The following AJAP1 variants were observed in gnomAD, a reference collection of about 807,000 sequenced individuals.
AJAP1 encodes adherens junctions associated protein 1.
Under a neutral mutation model 35.0 loss-of-function variants are expected in AJAP1, and 5 were observed. The ratio of observed to expected loss-of-function variants is 0.14; its 90% CI spans 0.07 to 0.30. AJAP1 has a LOEUF of 0.30. Ranked by LOEUF, AJAP1 falls within the 10% of genes least tolerant of loss-of-function variation. The probability of loss-of-function intolerance (pLI) is 1.00; values close to 1 mark genes in which losing one functional copy is unlikely to be tolerated. For missense variants in AJAP1, 586 were observed against 571.0 expected (o/e 1.03, Z -0.27); for synonymous variants, 284 against 249.3 (o/e 1.14, Z -1.31).
At chr1:4,709,898 C>G (rs1411016973) in intron 1 of AJAP1, among the ~76,000 whole-genome samples, 3 of 152,178 alleles carry the variant, frequency 2.0e-5, no homozygotes, top group Non-Finnish European at 4.4e-5. Context: ...AAGAGTTTCT[C>G]TCTCACCATC....
intron 2 of AJAP1, among the ~76,000 whole-genome samples, chr1:4,738,618 C>G (rs563794305): frequency 4.8e-4 from 73 of 152,270 alleles, no homozygotes; most frequent in African/African-American, 1.7e-3. Flanking sequence ...CAGGCCATGG[C>G]AGCACCGCGG....
intron 1 of AJAP1, among the ~76,000 whole-genome samples, chr1:4,683,613 G>A (rs1358570879): frequency 1.3e-5 from 2 of 152,164 alleles, no homozygotes; most frequent in Admixed American, 6.5e-5. Flanking sequence ...AAAATGTTTC[G>A]TCCTGCACTG....
chr1:4,710,498 C>A lies in AJAP1; in HGVS notation c.30-1402C>A, dbSNP rs572641419. On this transcript the variant is annotated intron_variant, in intron 1 of 5. Coordinates refer to ENST00000378191, the MANE Select transcript of AJAP1 (RefSeq NM_018836.4). The stretch of plus-strand genomic sequence containing the variant: ...ACGTGTGCTTGCCTACACGCACACA[C>A]TCACACACTTGCGTGCACGCATTAC... 6.2e-3 allele frequency among the ~76,000 whole-genome samples: 948 copies of A among 152,286 alleles called. 4 individuals carry two copies. The highest frequency in any genetic ancestry group is 0.022 in the African/African-American group (905 of 41,586).
rs1178653530 is a variant in AJAP1, at chr1:4,720,640, G to A, written c.829+7941G>A. On this transcript the variant is annotated intron_variant, in intron 2 of 5. Coordinates refer to ENST00000378191, the MANE Select transcript of AJAP1 (RefSeq NM_018836.4). The surrounding 1 kb of genome is among the most constrained non-coding windows in gnomAD (Gnocchi z 4.4). The stretch of plus-strand genomic sequence containing the variant: ...CATGCCAGCACATGTGGGAAACTGA[G>A]CGCCATAGTGAGCATGCAGCCCCTA... 6.6e-6 allele frequency among the ~76,000 whole-genome samples: 1 copy of A among 152,242 alleles called. No homozygotes were observed. Among genetic ancestry groups the A allele is most frequent in the Non-Finnish European group, 1.5e-5 (1 of 68,036 alleles).
At chr1:4,738,624 C>G (rs985589881) in intron 2 of AJAP1, among the ~76,000 whole-genome samples, 2 of 152,070 alleles carry the variant, frequency 1.3e-5, no homozygotes, top group Non-Finnish European at 1.5e-5. Context: ...ATGGCAGCAC[C>G]GCGGGGGTGT....
At chr1:4,724,453 AC>A (rs1176717943) in intron 2 of AJAP1, among the ~76,000 whole-genome samples, 4 of 151,756 alleles carry the variant, frequency 2.6e-5, no homozygotes, top group Non-Finnish European at 5.9e-5. Context: ...ACCTCTGGGC[AC>A]CCCCTGGGTG....
intron 1 of AJAP1, among the ~76,000 whole-genome samples, chr1:4,704,157 G>GTTTT (rs34590919): frequency 6.9e-6 from 1 of 145,294 alleles, no homozygotes. Context: ...AAACGGGGAA[G>GTTTT]TTTTTTTTTT....
At chr1:4,666,839 A>ATG (rs1639137987) in intron 1 of AJAP1, among the ~76,000 whole-genome samples, 1 of 120,824 alleles carries the variant, frequency 8.3e-6, no homozygotes, top group African/African-American at 3.4e-5. Flanking sequence ...GAGGGGTTGC[A>ATG]GAGAGGAGCC....
At chr1:4,669,280 AT>A (rs1639200285) in intron 1 of AJAP1, among the ~76,000 whole-genome samples, 1 of 152,224 alleles carries the variant, frequency 6.6e-6, no homozygotes, top group African/African-American at 2.4e-5. Flanking sequence ...TGGACATTTT[AT>A]ATAAATGAGA....
At chr1:4,671,561 G>GAAATGCACCACCGGGAAC (rs1175172589) in intron 1 of AJAP1, among the ~76,000 whole-genome samples, 2 of 151,822 alleles carry the variant, frequency 1.3e-5, no homozygotes, top group Non-Finnish European at 1.5e-5. Flanking sequence ...CCACCAGGAG[G>GAAATGCACCACCGGGAAC]AAATGCACCA....
chr1:4,710,485 C>T (rs1370550454), intron 1 of AJAP1, among the ~76,000 whole-genome samples: 1 of 152,090 alleles, frequency 6.6e-6, no homozygotes, highest in African/African-American at 2.4e-5. Context: ...GTGTGCTTGC[C>T]TACACGCACA....
At chr1:4,769,461 A>AG (rs1360385628) in intron 2 of AJAP1, among the ~76,000 whole-genome samples, 2 of 152,102 alleles carry the variant, frequency 1.3e-5, no homozygotes, top group Non-Finnish European at 1.5e-5. Context: ...CCAGGGTGTG[A>AG]GGGGAGAAAG....
At chr1:4,749,942 A>C (rs533309683) in intron 2 of AJAP1, among the ~76,000 whole-genome samples, 33 of 151,926 alleles carry the variant, frequency 2.2e-4, no homozygotes, top group Non-Finnish European at 4.1e-4. Flanking sequence ...TTGTGTATGC[A>C]TGTGCCCATT....
chr1:4,676,830 A>G (rs1639373057), intron 1 of AJAP1, among the ~76,000 whole-genome samples: 1 of 152,214 alleles, frequency 6.6e-6, no homozygotes, highest in African/African-American at 2.4e-5. Context: ...TGGGAAGAAC[A>G]TGTGCAATGC....
intron 1 of AJAP1, among the ~76,000 whole-genome samples, chr1:4,671,639 C>G (rs28501560): frequency 0.14 from 21,260 of 152,058 alleles, 2,004 homozygotes; most frequent in East Asian, 0.34. Flanking sequence ...TCACACACCT[C>G]TTCCAGTCCT....
In AJAP1 at chr1:4,774,590, C is replaced by T. The variant is rs951047515; in HGVS notation, c.*59+32C>T. 66 of 1,327,000 alleles carry T rather than the reference C, an allele frequency of 5.0e-5. No individual in the cohort carries two copies. The African/African-American group carries it at 8.1e-4, about 16-fold the overall frequency. 82.2% of individuals were successfully genotyped at this position (1,327,000 alleles called of 1,614,324 possible). On this transcript the variant is annotated intron_variant, in intron 5 of 5. Coordinates refer to ENST00000378191, the MANE Select transcript of AJAP1 (RefSeq NM_018836.4). ...ACCTCTCTTTGGACATTCCTGTTTTCGTTCCCTTTCCTCCCCTCCCCACTG... is the reference window on the plus strand; with the variant it reads ...ACCTCTCTTTGGACATTCCTGTTTTTGTTCCCTTTCCTCCCCTCCCCACTG...
intron 2 of AJAP1, among the ~76,000 whole-genome samples, chr1:4,757,144 G>A (rs188550085): frequency 3.3e-4 from 50 of 152,346 alleles, no homozygotes; most frequent in African/African-American, 1.1e-3. Context: ...CTCTGTGTCA[G>A]TGGAGGCCGC....
chr1:4,758,901 A>G (rs1641501094), intron 2 of AJAP1, among the ~76,000 whole-genome samples: 1 of 152,194 alleles, frequency 6.6e-6, no homozygotes, highest in South Asian at 2.1e-4. Flanking sequence ...GACAGAGCGG[A>G]TCACTCTCTT....
intron 1 of AJAP1, among the ~76,000 whole-genome samples, chr1:4,666,465 C>T (rs1236874972): frequency 6.6e-6 from 1 of 152,164 alleles, no homozygotes; most frequent in South Asian, 2.1e-4. Flanking sequence ...AAATGACAGA[C>T]CCTGGGGAGT....
Sources: allele counts gnomAD v4.1 joint callset (sites outside exome capture counted in the v4.1 genomes callset), GRCh38; gene constraint gnomAD v4.1.1; non-coding constraint Gnocchi (gnomAD v3.1); transcripts MANE v1.5; gene names NCBI Gene and HGNC (gene_info 2026-07-23, HGNC 2026-07-21).